Variants in HIP1 observed in about 807,000 individuals in gnomAD.
HIP1 encodes huntingtin-interacting protein 1.
HIP1 carries 65 observed loss-of-function variants against 147.6 expected under a neutral mutation model. The ratio of observed to expected loss-of-function variants is 0.44; its 90% confidence interval spans 0.36 to 0.54. The LOEUF (loss-of-function observed/expected upper bound fraction) is 0.54. HIP1 is among the 20% of genes least tolerant of loss of function. The probability of loss-of-function intolerance (pLI) is 0.00; values close to 1 mark genes in which losing one functional copy is unlikely to be tolerated. For synonymous variants in HIP1, 479 were observed against 504.0 expected (o/e 0.95, Z 0.67); for missense variants, 1,061 against 1,299.6 (o/e 0.82, Z 2.82).
chr7:75,559,707 GC>G, intron 14 of HIP1, 24 bp downstream of exon 14: 3 of 1,087,350 alleles, frequency 2.8e-6, no homozygotes, highest in Non-Finnish European at 2.4e-6. Context: ...CCCGGGGCCC[GC>G]CCCCGCCCCC....
chr7:75,705,146 A>G (rs185991165), intron 1 of HIP1, among the ~76,000 whole-genome samples: 68 of 152,220 alleles, frequency 4.5e-4, no homozygotes, highest in Admixed American at 1.6e-3. Flanking sequence ...TGCAAAACTG[A>G]AACTCTATCC....
chr7:75,541,988 G>C lies in HIP1; in HGVS notation c.2891-8C>G. 1 of 1,612,858 alleles carries C rather than the reference G, an allele frequency of 6.2e-7. No homozygotes were observed. On this transcript the variant is annotated splice_polypyrimidine_tract_variant and splice_region_variant and intron_variant, in intron 28 of 30. Transcript: ENST00000336926. The stretch of plus-strand genomic sequence containing the variant: ...TTGAGAAGTCCATGTTGTCTGCAAG[G>C]ATGGAAACAAGAAGGTCTCATCAAA...
At chr7:75,556,952 G>T (rs79055497) in intron 16 of HIP1, 141 bp from the exon 17 acceptor site, 22,535 of 542,306 alleles carry the variant, frequency 0.042, 598 homozygotes, top group Non-Finnish European at 0.05. Flanking sequence ...AAAAGTGCAG[G>T]GTGTGGGAGG....
At chr7:75,617,866 T>C (rs1797721890) in intron 1 of HIP1, among the ~76,000 whole-genome samples, 1 of 152,238 alleles carries the variant, frequency 6.6e-6, no homozygotes. Context: ...AGAGGGCTCA[T>C]TCCCCATTCA....
chr7:75,665,565 A>T (rs188662019), intron 1 of HIP1, among the ~76,000 whole-genome samples: 6 of 150,402 alleles, frequency 4.0e-5, no homozygotes, highest in African/African-American at 1.5e-4. Context: ...TTTTTGAGAC[A>T]GTCTCGCTCT....
intron 11 of HIP1, 37 bp from the exon 12 acceptor site, chr7:75,562,207 G>A (rs782330148): frequency 7.2e-6 from 10 of 1,388,910 alleles, no homozygotes; most frequent in Admixed American, 1.7e-5. Context: ...ATAAGTCAGA[G>A]AGCCAGAGAA....
At chr7:75,588,451 T>C (rs191669685) in intron 4 of HIP1, among the ~76,000 whole-genome samples, 99 of 152,288 alleles carry the variant, frequency 6.5e-4, no homozygotes, top group African/African-American at 2.2e-3. Context: ...TAAGAGACTG[T>C]TTCAAAATAT....
chr7:75,548,804 G>A (rs782706083), intron 23 of HIP1, 87 bp downstream of exon 23: 7 of 1,048,444 alleles, frequency 6.7e-6, no homozygotes, highest in Non-Finnish European at 1.0e-5. Context: ...TGGCCTTAAT[G>A]AACGACTGTG....
chr7:75,561,631 CCTT>C (rs1186350093), intron 12 of HIP1, among the ~76,000 whole-genome samples: 24 of 152,194 alleles, frequency 1.6e-4, no homozygotes, highest in Non-Finnish European at 2.9e-4. Context: ...TCAAGACATT[CCTT>C]TTTTGTGTGT....
chr7:75,561,885 A>T (rs1173542801), intron 12 of HIP1, among the ~76,000 whole-genome samples, 188 bp downstream of exon 12: 1 of 152,140 alleles, frequency 6.6e-6, no homozygotes, highest in Admixed American at 6.6e-5. Flanking sequence ...GGCCTTAAAA[A>T]ATCCTCCTAC....
intron 1 of HIP1, among the ~76,000 whole-genome samples, chr7:75,635,128 C>T (rs1798380177): frequency 6.6e-6 from 1 of 152,028 alleles, no homozygotes; most frequent in South Asian, 2.1e-4. Flanking sequence ...CATCATCAAC[C>T]CCTAAAAGGT....
At chr7:75,672,189 T>C (rs1054941382) in intron 1 of HIP1, among the ~76,000 whole-genome samples, 7 of 152,234 alleles carry the variant, frequency 4.6e-5, no homozygotes, top group Non-Finnish European at 7.3e-5. Context: ...GTCTATTCAT[T>C]TGCCTATTTT....
At chr7:75,713,397 G>A (rs1261513560) in intron 1 of HIP1, among the ~76,000 whole-genome samples, 1 of 152,126 alleles carries the variant, frequency 6.6e-6, no homozygotes, top group Admixed American at 6.6e-5. Flanking sequence ...ACTAGTATCC[G>A]GTGCTAGCTG....
At position 75,663,988 on chromosome 7, in the gene HIP1, ATATATACACATATATGTG is replaced by A. The variant is rs1302492145; in HGVS notation, c.121-64759_121-64742del. 6.9e-4 allele frequency among the ~76,000 whole-genome samples: 25 copies of A among 36,208 alleles called. 2 individuals are homozygous for A. Among genetic ancestry groups the A allele is most frequent in the African/African-American group, 3.5e-3 (13 of 3,690 alleles). 23.8% of individuals were successfully genotyped at this position (36,208 alleles called of 152,430 possible). ...TATATATATACACATATATGTGTAT[ATATATACACATATATGTG>A]TATATATATACACATATATGTGTAT... On this transcript the variant is annotated intron_variant, in intron 1 of 30. Transcript: ENST00000336926.
intron 14 of HIP1, among the ~76,000 whole-genome samples, chr7:75,558,771 C>T (rs1222126553): frequency 2.0e-5 from 3 of 152,104 alleles, no homozygotes; most frequent in Non-Finnish European, 4.4e-5. Context: ...ATAATCCCAG[C>T]ACTTTGGGAG....
In HIP1 at chr7:75,611,855, G is replaced by A. The variant is rs35546766; in HGVS notation, c.121-12608C>T. 8,455 of 1,022,168 alleles carry A rather than the reference G, an allele frequency of 8.3e-3. 42 individuals carry two copies. The highest frequency in any genetic ancestry group is 9.4e-3 in the Non-Finnish European group (7,960 of 850,388). The allele number at this position is 1,022,168 out of a possible 1,614,324, so 63.3% of individuals were successfully genotyped here. On this transcript the variant is annotated intron_variant, in intron 1 of 30. Coordinates refer to ENST00000336926, the MANE Select transcript of HIP1 (RefSeq NM_005338.7). ...GGAGAGCCAATTACCAGCAGGCACC[G>A]CAGGAAGGGCGCCTTTCTCCCAGCC...
chr7:75,637,518 C>T (rs1563261350), intron 1 of HIP1, among the ~76,000 whole-genome samples: 1 of 148,868 alleles, frequency 6.7e-6, no homozygotes, highest in Non-Finnish European at 1.5e-5. Flanking sequence ...CATCTCCACC[C>T]CCATAGCTGC....
intron 1 of HIP1, among the ~76,000 whole-genome samples, chr7:75,719,381 A>G (rs1312188709): frequency 1.8e-4 from 27 of 151,834 alleles, no homozygotes; most frequent in Non-Finnish European, 2.8e-4. Context: ...GCAGGCACCT[A>G]TAGTCCCAGC....
At chr7:75,570,079 G>A (rs377107120) in intron 8 of HIP1, among the ~76,000 whole-genome samples, 10 of 151,630 alleles carry the variant, frequency 6.6e-5, no homozygotes, top group African/African-American at 1.9e-4. Context: ...GACTACAGGC[G>A]CGCGCCACCA....
Sources: allele counts gnomAD v4.1 joint callset (sites outside exome capture counted in the v4.1 genomes callset), GRCh38; gene constraint gnomAD v4.1.1; transcripts MANE v1.5; gene names NCBI Gene and HGNC (gene_info 2026-07-23, HGNC 2026-07-21).